The following CNBD1 variants were observed in gnomAD, a reference collection of about 807,000 sequenced individuals.
The protein encoded by CNBD1 is cyclic nucleotide-binding domain-containing protein 1.
In CNBD1, 71 loss-of-function variants were observed where a neutral mutation model predicts 54.4. That is an observed-to-expected ratio of 1.30 (90% CI 1.08 to 1.59). The LOEUF is 1.59. Ranked by LOEUF, CNBD1 falls within the 40% of genes most tolerant of loss-of-function variation. CNBD1 has a pLI of 0.00. For missense variants in CNBD1, 659 were observed against 518.0 expected (o/e 1.27, Z -2.64); for synonymous variants, 182 against 170.7 (o/e 1.07, Z -0.51).
chr8:87,278,320 A>T (rs1808525638), intron 6 of CNBD1, among the ~76,000 whole-genome samples: 1 of 151,580 alleles, frequency 6.6e-6, no homozygotes, highest in Non-Finnish European at 1.5e-5. Flanking sequence ...GTGGAAAGAC[A>T]TCTAATAACA....
chr8:87,371,097 TG>T (rs1810779017), intron 10 of CNBD1, among the ~76,000 whole-genome samples: 1 of 150,288 alleles, frequency 6.7e-6, no homozygotes, highest in Non-Finnish European at 1.5e-5. Flanking sequence ...ATCTCTGTTT[TG>T]GTACCAGTAC....
chr8:87,049,603 T>C (rs1810271751), intron 4 of CNBD1, among the ~76,000 whole-genome samples: 1 of 152,198 alleles, frequency 6.6e-6, no homozygotes, highest in Non-Finnish European at 1.5e-5. Flanking sequence ...GGAGTTTCTC[T>C]GAGATCCTCC....
intron 3 of CNBD1, among the ~76,000 whole-genome samples, chr8:86,920,297 G>T (rs1461581682): frequency 1.3e-5 from 2 of 152,110 alleles, no homozygotes; most frequent in African/African-American, 2.4e-5. Context: ...ATCTTAAAAA[G>T]TTCCATTTTA....
chr8:87,421,380 C>T (rs1460435183), intron 2 of CNBD1, among the ~76,000 whole-genome samples: 4 of 150,390 alleles, frequency 2.7e-5, no homozygotes, highest in Non-Finnish European at 5.9e-5. Context: ...CCCACTAACT[C>T]GTCATCTAGC....
At chr8:87,043,622 T>C (rs945678826) in intron 4 of CNBD1, among the ~76,000 whole-genome samples, 6 of 152,206 alleles carry the variant, frequency 3.9e-5, no homozygotes, top group Non-Finnish European at 7.4e-5. Flanking sequence ...CTCTGCTATA[T>C]GCTCATCACA....
At chr8:87,240,893 A>G (rs1016274952) in intron 6 of CNBD1, among the ~76,000 whole-genome samples, 3 of 151,928 alleles carry the variant, frequency 2.0e-5, no homozygotes, top group African/African-American at 7.3e-5. Flanking sequence ...ATCGCTTTTT[A>G]GGGTCAAAAT....
At chr8:87,121,636 C>T (rs1235469549) in intron 4 of CNBD1, among the ~76,000 whole-genome samples, 7 of 151,756 alleles carry the variant, frequency 4.6e-5, no homozygotes, top group Non-Finnish European at 1.0e-4. Flanking sequence ...AAGCTTTGTA[C>T]CCTTTGATCA....
chr8:87,154,418 C>T (rs923069709), intron 4 of CNBD1, among the ~76,000 whole-genome samples: 12 of 152,060 alleles, frequency 7.9e-5, no homozygotes, highest in African/African-American at 2.4e-4. Context: ...GCAGTAGTAC[C>T]GACGTGTCCA....
intron 2 of CNBD1, among the ~76,000 whole-genome samples, chr8:86,890,228 C>T (rs1478131339): frequency 6.6e-6 from 1 of 151,974 alleles, no homozygotes; most frequent in Non-Finnish European, 1.5e-5. Flanking sequence ...TATACCCTTT[C>T]GTCAACATCT....
chr8:87,375,015 T>A (rs1167229049), intron 10 of CNBD1, among the ~76,000 whole-genome samples: 1 of 151,904 alleles, frequency 6.6e-6, no homozygotes, highest in Non-Finnish European at 1.5e-5. Flanking sequence ...AAAATAAATA[T>A]GCTTTTTGTG....
chr8:87,304,874 C>T (rs1157124726), intron 8 of CNBD1, among the ~76,000 whole-genome samples: 1 of 152,052 alleles, frequency 6.6e-6, no homozygotes, highest in Non-Finnish European at 1.5e-5. Flanking sequence ...CCCACTCCCA[C>T]CACTCCTCTT....
chr8:87,285,668 C>T (rs927938380), intron 7 of CNBD1, among the ~76,000 whole-genome samples: 1 of 151,960 alleles, frequency 6.6e-6, no homozygotes, highest in African/African-American at 2.4e-5. Context: ...GTCGAGAGTT[C>T]GAGACCAGCC....
At chr8:87,029,170 C>T (rs1174926164) in intron 4 of CNBD1, among the ~76,000 whole-genome samples, 1 of 152,162 alleles carries the variant, frequency 6.6e-6, no homozygotes, top group African/African-American at 2.4e-5. Context: ...TGTGTTTCTA[C>T]TCCAATTCCT....
At chr8:86,935,792 T>A (rs1163255062) in intron 3 of CNBD1, among the ~76,000 whole-genome samples, 1 of 152,194 alleles carries the variant, frequency 6.6e-6, no homozygotes, top group Non-Finnish European at 1.5e-5. Context: ...TCTTTCTTTT[T>A]CTCATTTTTT....
rs563964972 is a variant in CNBD1, at chr8:86,873,977, A to G, written c.88+7394A>G. ...AGATCAGGAAAATTAACATTGATACATTACTGTAATCTAATCCTTGGACCC... is the reference window on the plus strand; with the variant it reads ...AGATCAGGAAAATTAACATTGATACGTTACTGTAATCTAATCCTTGGACCC... On this transcript the variant is annotated intron_variant, in intron 1 of 10. Transcript: ENST00000518476. Among the ~76,000 whole-genome samples the G allele has an allele frequency of 8.0e-4, 122 of 152,320 alleles. 1 individual carries two copies. Among genetic ancestry groups the G allele is most frequent in the African/African-American group, 2.4e-3 (99 of 41,580 alleles).
intron 4 of CNBD1, among the ~76,000 whole-genome samples, chr8:87,013,137 G>T (rs1809260566): frequency 6.6e-6 from 1 of 152,192 alleles, no homozygotes; most frequent in East Asian, 1.9e-4. Flanking sequence ...GCCCATTGAA[G>T]CCCCACTGAA....
At chr8:86,937,251 C>T (rs928185983) in intron 3 of CNBD1, among the ~76,000 whole-genome samples, 4 of 152,110 alleles carry the variant, frequency 2.6e-5, no homozygotes, top group Non-Finnish European at 5.9e-5. Flanking sequence ...ATGAGAACAG[C>T]ATGGGAAAGA....
intron 5 of CNBD1, among the ~76,000 whole-genome samples, chr8:87,234,729 T>A (rs1807536992): frequency 6.6e-6 from 1 of 152,182 alleles, no homozygotes; most frequent in African/African-American, 2.4e-5. Context: ...GAGTAGTGGC[T>A]TCAACTTAAT....
chr8:87,116,394 G>T, intron 4 of CNBD1, among the ~76,000 whole-genome samples: 1 of 151,512 alleles, frequency 6.6e-6, no homozygotes, highest in East Asian at 1.9e-4. Flanking sequence ...AAGTCTTTTT[G>T]GTAGAGATGG....
Sources: allele counts gnomAD v4.1 joint callset (sites outside exome capture counted in the v4.1 genomes callset), GRCh38; gene constraint gnomAD v4.1.1; transcripts MANE v1.5; gene names NCBI Gene and HGNC (gene_info 2026-07-23, HGNC 2026-07-21).